The following BIN2 variants were observed in gnomAD, a reference collection of about 807,000 sequenced individuals.
BIN2 encodes the protein bridging integrator 2.
In BIN2, 43 loss-of-function variants were observed where a neutral mutation model predicts 67.9. The ratio of observed to expected loss-of-function variants is 0.63; its 90% CI spans 0.50 to 0.82. The LOEUF (loss-of-function observed/expected upper bound fraction) is 0.82, where lower values mean the gene tolerates loss of function less well. BIN2 is among the 40% of genes least tolerant of loss of function. The pLI, the probability that BIN2 is intolerant of heterozygous loss-of-function variation, is 0.00. For synonymous variants in BIN2, 244 were observed against 246.8 expected (o/e 0.99, Z 0.11); for missense variants, 581 against 671.6 (o/e 0.87, Z 1.49).
chr12:51,300,593 C>A (rs1407935000), intron 5 of BIN2, among the ~76,000 whole-genome samples: 1 of 152,088 alleles, frequency 6.6e-6, no homozygotes, highest in Non-Finnish European at 1.5e-5. Flanking sequence ...TTACTATGAC[C>A]ACTGAGAGAA....
chr12:51,306,676 G>T (rs1945872621), intron 2 of BIN2, among the ~76,000 whole-genome samples: 1 of 152,200 alleles, frequency 6.6e-6, no homozygotes, highest in Non-Finnish European at 1.5e-5. Flanking sequence ...ACGTTAGAAT[G>T]CAGGAAGAAT....
chr12:51,309,813 G>A (rs1444746250), intron 2 of BIN2, among the ~76,000 whole-genome samples: 1 of 152,172 alleles, frequency 6.6e-6, no homozygotes, highest in African/African-American at 2.4e-5. Flanking sequence ...CTTCCTGATG[G>A]CGCTTCTTCT....
chr12:51,290,973 A>G (rs1945366367), intron 10 of BIN2, among the ~76,000 whole-genome samples: 1 of 148,142 alleles, frequency 6.8e-6, no homozygotes, highest in African/African-American at 2.5e-5. Flanking sequence ...ACATGGAGAA[A>G]CCCCGTCTCT....
At chr12:51,296,051 C>T (rs1379946784) in intron 8 of BIN2, among the ~76,000 whole-genome samples, 173 bp from the exon 9 acceptor site, 1 of 152,092 alleles carries the variant, frequency 6.6e-6, no homozygotes, top group African/African-American at 2.4e-5. Flanking sequence ...GTCCCGCCAC[C>T]CCCTCTTCCC....
chr12:51,315,178 T>A (rs868092882), intron 1 of BIN2, among the ~76,000 whole-genome samples: 5,516 of 151,880 alleles, frequency 0.036, 299 homozygotes, highest in African/African-American at 0.12. Flanking sequence ...ATTATTATTT[T>A]TTTTTTTTTG....
Position 51,292,035 on chromosome 12 carries a change from G to A in BIN2, c.1071C>T (p.Ser357=). The change falls in exon 10 of 13, where the codon TCC becomes TCT. Residue 357 remains serine (S), a synonymous_variant. Coordinates refer to ENST00000615107, the MANE Select transcript of BIN2 (RefSeq NM_016293.4). ...QPSPTTERAK[S]QEEVLPSSTT... ...TGGAGCTGGGGAGAACTTCCTCCTG[G>A]GACTTGGCCCTTTCAGTGGTAGGAG... 6.2e-7 allele frequency: 1 copy of A among 1,614,172 alleles called. No individual in the cohort carries two copies. Among genetic ancestry groups the A allele is most frequent in the Non-Finnish European group, 8.5e-7 (1 of 1,180,018 alleles).
intron 2 of BIN2, among the ~76,000 whole-genome samples, chr12:51,306,464 T>C (rs1468702603): frequency 1.3e-5 from 2 of 152,120 alleles, no homozygotes; most frequent in African/African-American, 4.8e-5. Context: ...CCGTCTCCAC[T>C]AAAGATACAA....
chr12:51,316,403 T>C (rs1946134928), intron 1 of BIN2, among the ~76,000 whole-genome samples: 1 of 150,908 alleles, frequency 6.6e-6, no homozygotes, highest in Non-Finnish European at 1.5e-5. Context: ...GGCTGAGGCA[T>C]GAGAATCACT....
At chr12:51,294,427 T>G (rs925680777) in intron 9 of BIN2, among the ~76,000 whole-genome samples, 2 of 151,058 alleles carry the variant, frequency 1.3e-5, no homozygotes, top group African/African-American at 2.4e-5. Context: ...ATTAGCCGGG[T>G]GTGGTGGCAT....
chr12:51,314,714 G>A (rs546112767), intron 1 of BIN2, among the ~76,000 whole-genome samples: 22 of 151,546 alleles, frequency 1.5e-4, no homozygotes, highest in African/African-American at 3.9e-4. Context: ...CAGGAGAATC[G>A]CTTGAACCCA....
chr12:51,299,167 G>A (rs531438770), intron 7 of BIN2, 36 bp downstream of exon 7: 2 of 1,495,492 alleles, frequency 1.3e-6, no homozygotes, highest in African/African-American at 1.4e-5. Context: ...TGCCTTGTGT[G>A]AAGCAAAGGC....
At chr12:51,296,821 AT>A (rs1168512011) in intron 8 of BIN2, among the ~76,000 whole-genome samples, 2 of 152,170 alleles carry the variant, frequency 1.3e-5, no homozygotes, top group Admixed American at 1.3e-4. Context: ...TTTTCCTTCT[AT>A]AGGCCTAACC....
intron 2 of BIN2, among the ~76,000 whole-genome samples, chr12:51,305,407 C>A (rs1017004647): frequency 6.6e-6 from 1 of 152,020 alleles, no homozygotes; most frequent in Non-Finnish European, 1.5e-5. Context: ...AGGAGGATCA[C>A]GAGGTCAGGA....
intron 2 of BIN2, among the ~76,000 whole-genome samples, chr12:51,313,184 GAGGAAGGAAGGAAGGA>G (rs534447282): frequency 4.4e-5 from 5 of 113,844 alleles, no homozygotes; most frequent in South Asian, 3.7e-4. Context: ...GTTGCAGTGA[GAGGAAGGAAGGAAGGA>G]AGGAAGGAAG....
intron 2 of BIN2, among the ~76,000 whole-genome samples, chr12:51,312,644 T>C (rs1318994483): frequency 1.3e-5 from 2 of 152,206 alleles, no homozygotes; most frequent in African/African-American, 4.8e-5. Context: ...GGATAAATTA[T>C]GGAAGCTGAG....
At chr12:51,290,553 G>A (rs369197976) in intron 10 of BIN2, among the ~76,000 whole-genome samples, 2 of 152,002 alleles carry the variant, frequency 1.3e-5, no homozygotes, top group African/African-American at 2.4e-5. Flanking sequence ...CTGGCTGGGC[G>A]AGGTGGCTCA....
chr12:51,290,194 ACTGCAACGTCTGC>A (rs1463706817), intron 10 of BIN2, among the ~76,000 whole-genome samples: 1 of 151,618 alleles, frequency 6.6e-6, no homozygotes, highest in African/African-American at 2.4e-5. Flanking sequence ...ATGTCGGCTT[ACTGCAACGTCTGC>A]CTCCTGGGTT....
chr12:51,295,577 A>AATATATATAT (rs1163870830), intron 9 of BIN2, among the ~76,000 whole-genome samples: 2 of 29,554 alleles, frequency 6.8e-5, no homozygotes, highest in Non-Finnish European at 1.2e-4. Context: ...AAAAAAAAAA[A>AATATATATAT]ATATATATAT....
intron 7 of BIN2, 38 bp downstream of exon 7, chr12:51,299,165 G>A (rs753962303): frequency 6.8e-7 from 1 of 1,469,398 alleles, no homozygotes; most frequent in South Asian, 1.1e-5. Flanking sequence ...GGTGCCTTGT[G>A]TGAAGCAAAG....
Sources: gnomAD v4.1 joint callset for allele counts (sites outside exome capture counted in the v4.1 genomes callset) on GRCh38, gnomAD v4.1.1 for gene constraint, MANE v1.5 for transcripts, NCBI Gene and HGNC (gene_info 2026-07-23, HGNC 2026-07-21) for gene names.